Variants in ZBTB7C observed in about 807,000 individuals in gnomAD.
ZBTB7C encodes the protein zinc finger and BTB domain containing 7C.
A neutral mutation model predicts 25.7 loss-of-function variants in ZBTB7C; 8 were observed. The ratio of observed to expected loss-of-function variants is 0.31; its 90% confidence interval spans 0.18 to 0.56. The LOEUF (loss-of-function observed/expected upper bound fraction) is 0.56, where lower values mean the gene tolerates loss of function less well. Ranked by LOEUF, ZBTB7C falls within the 20% of genes least tolerant of loss-of-function variation. The probability of loss-of-function intolerance (pLI) is 0.91; values close to 1 mark genes in which losing one functional copy is unlikely to be tolerated. For synonymous variants in ZBTB7C, 394 were observed against 369.0 expected (o/e 1.07, Z -0.78); for missense variants, 824 against 855.2 (o/e 0.96, Z 0.46).
At chr18:48,300,603 G>A (rs2045520065) in intron 2 of ZBTB7C, among the ~76,000 whole-genome samples, 1 of 152,186 alleles carries the variant, frequency 6.6e-6, no homozygotes, top group Non-Finnish European at 1.5e-5. Context: ...TAGAGGGGCG[G>A]GGCCAGGAGG....
At chr18:48,331,554 C>T (rs1478818997) in intron 2 of ZBTB7C, among the ~76,000 whole-genome samples, 1 of 152,210 alleles carries the variant, frequency 6.6e-6, no homozygotes, top group Non-Finnish European at 1.5e-5. Context: ...GGGCACACTG[C>T]ATTACGATAG....
intron 2 of ZBTB7C, among the ~76,000 whole-genome samples, chr18:48,317,468 C>A (rs1313554889): frequency 6.6e-6 from 1 of 152,116 alleles, no homozygotes; most frequent in African/African-American, 2.4e-5. Flanking sequence ...GCCAGCCTCA[C>A]CCCGATCTGA....
intron 3 of ZBTB7C, among the ~76,000 whole-genome samples, chr18:48,075,080 A>G (rs1485404757): frequency 6.6e-6 from 1 of 152,180 alleles, no homozygotes; most frequent in Non-Finnish European, 1.5e-5. Flanking sequence ...AAGGAGAGAA[A>G]AGAGGCGTTT....
intron 2 of ZBTB7C, among the ~76,000 whole-genome samples, chr18:48,324,466 G>A (rs2046170971): frequency 1.3e-5 from 2 of 152,096 alleles, no homozygotes; most frequent in South Asian, 4.1e-4. Flanking sequence ...AAATAAATGA[G>A]ACATCTATTT....
intron 2 of ZBTB7C, among the ~76,000 whole-genome samples, chr18:48,313,093 C>T (rs1337239668): frequency 1.3e-5 from 2 of 152,186 alleles, no homozygotes; most frequent in African/African-American, 2.4e-5. Flanking sequence ...ACTATCACTC[C>T]TCTCGTCTCT....
chr18:48,037,454 G>T (rs901923122), intron 4 of ZBTB7C, among the ~76,000 whole-genome samples: 7 of 152,236 alleles, frequency 4.6e-5, no homozygotes, highest in African/African-American at 1.7e-4. Context: ...CCCAAACCAG[G>T]ACGCCCACTC....
chr18:48,250,984 G>A (rs2043839166), intron 2 of ZBTB7C, among the ~76,000 whole-genome samples: 1 of 152,098 alleles, frequency 6.6e-6, no homozygotes, highest in Non-Finnish European at 1.5e-5. Context: ...AGCACTTTGG[G>A]AGGCTGAGTT....
chr18:48,094,671 A>G (rs2038549247), intron 3 of ZBTB7C, among the ~76,000 whole-genome samples: 1 of 152,204 alleles, frequency 6.6e-6, no homozygotes, highest in African/African-American at 2.4e-5. Context: ...ATTCTAAGAA[A>G]TAAATCCTAG....
chr18:48,117,212 C>T (rs35206393), intron 3 of ZBTB7C, among the ~76,000 whole-genome samples: 7 of 152,278 alleles, frequency 4.6e-5, no homozygotes, highest in African/African-American at 7.2e-5. Flanking sequence ...TCTTTATTAA[C>T]GATGTGTTTT....
chr18:48,029,005 A>T lies in ZBTB7C; in HGVS notation c.*255T>A, dbSNP rs1433876019. The T allele has an allele frequency of 6.1e-6, 3 of 493,644 alleles. No individual in the cohort carries two copies. Among genetic ancestry groups the T allele is most frequent in the African/African-American group, 4.2e-5 (2 of 47,884 alleles). The allele number at this position is 493,644 out of a possible 1,614,324, so 30.6% of individuals were successfully genotyped here. On this transcript the variant is annotated 3_prime_UTR_variant, in exon 5 of 5. Transcript: ENST00000590800. ...GTGGCATGGGCCGGTGCAAGTTTCT[A>T]TATGAGAGCCAGAGAGACAGGGAGG... is the stretch of plus-strand genomic sequence containing the variant.
intron 2 of ZBTB7C, among the ~76,000 whole-genome samples, chr18:48,270,377 G>T (rs948563589): frequency 4.0e-5 from 6 of 150,484 alleles, no homozygotes; most frequent in African/African-American, 1.5e-4. Context: ...GACTAAAGGC[G>T]TGTGCCACCA....
In ZBTB7C at chr18:48,159,307, C is replaced by T. The variant is rs374870550; in HGVS notation, c.-17+26627G>A. Among the ~76,000 whole-genome samples the T allele has an allele frequency of 3.9e-5, 6 of 152,122 alleles. No homozygotes were observed. The East Asian group carries it at 1.2e-3, about 29-fold the overall frequency. On this transcript the variant is annotated intron_variant, in intron 3 of 4. Coordinates refer to ENST00000590800, the MANE Select transcript of ZBTB7C (RefSeq NM_001318841.2). ...TCTTCTACTTAATCAACCTCAGTTT[C>T]CTTGTCTTTAAAATGGGAAAAATGA... is the stretch of plus-strand genomic sequence containing the variant.
intron 2 of ZBTB7C, among the ~76,000 whole-genome samples, chr18:48,236,566 T>C (rs1284019829): frequency 2.0e-5 from 3 of 152,186 alleles, no homozygotes; most frequent in Admixed American, 6.5e-5. Flanking sequence ...TAATTGCATC[T>C]TGAAATATGA....
At chr18:48,288,473 T>C (rs565782623) in intron 2 of ZBTB7C, among the ~76,000 whole-genome samples, 5 of 144,562 alleles carry the variant, frequency 3.5e-5, no homozygotes, top group Non-Finnish European at 4.5e-5. Context: ...CATGGTGAAA[T>C]ACCATCTCTA....
rs57099494 is a variant in ZBTB7C, at chr18:48,286,234, G to A, written c.-79+51940C>T. 5.6e-3 allele frequency among the ~76,000 whole-genome samples: 182 copies of A among 32,264 alleles called. No homozygotes were observed. In the African/African-American group the frequency reaches 0.074, roughly 13 times the overall value. 21.2% of individuals were successfully genotyped at this position (32,264 alleles called of 152,430 possible). Reference sequence around the variant, plus strand: ...CATCTTTGTCAGAGAAGAGGTGTGCGTGTGTGTGTGTGTGTGTGTGTGTGT... The same window carrying A: ...CATCTTTGTCAGAGAAGAGGTGTGCATGTGTGTGTGTGTGTGTGTGTGTGT... On this transcript the variant is annotated intron_variant, in intron 2 of 4. Transcript: ENST00000590800.
At chr18:48,103,016 G>T (rs535612159) in intron 3 of ZBTB7C, among the ~76,000 whole-genome samples, 111 of 148,022 alleles carry the variant, frequency 7.5e-4, no homozygotes, top group Non-Finnish European at 1.4e-3. Context: ...CAGGGAAGGT[G>T]TGGATATATT....
At chr18:48,044,586 A>G (rs1438735716) in intron 3 of ZBTB7C, among the ~76,000 whole-genome samples, 2 of 152,220 alleles carry the variant, frequency 1.3e-5, no homozygotes, top group Non-Finnish European at 2.9e-5. Context: ...TCTGAGCCAC[A>G]TTTAGTTTTG....
intron 2 of ZBTB7C, among the ~76,000 whole-genome samples, chr18:48,195,361 G>C (rs1258593215): frequency 6.6e-6 from 1 of 152,162 alleles, no homozygotes; most frequent in Non-Finnish European, 1.5e-5. Context: ...GAATCATGGG[G>C]GCGGGTTTTC....
At chr18:48,042,882 C>G (rs2036310574) in intron 3 of ZBTB7C, among the ~76,000 whole-genome samples, 1 of 152,178 alleles carries the variant, frequency 6.6e-6, no homozygotes, top group Admixed American at 6.5e-5. Flanking sequence ...GGCCTCTGCT[C>G]TAACAGAGCT....
Sources: allele counts gnomAD v4.1 joint callset (sites outside exome capture counted in the v4.1 genomes callset), GRCh38; gene constraint gnomAD v4.1.1; transcripts MANE v1.5; gene names NCBI Gene and HGNC (gene_info 2026-07-23, HGNC 2026-07-21).